The following UPP2 variants were observed in gnomAD, a reference collection of about 807,000 sequenced individuals.
The protein encoded by UPP2 is UPase 2.
UPP2 carries 23 observed loss-of-function variants against 26.7 expected under a neutral mutation model. The ratio of observed to expected loss-of-function variants is 0.86; its 90% CI spans 0.62 to 1.22. UPP2 has a LOEUF of 1.22. Among genes scored for constraint, UPP2 ranks in the 50% most tolerant of loss-of-function variants. UPP2 has a pLI of 0.00. For synonymous variants in UPP2, 127 were observed against 141.3 expected (o/e 0.90, Z 0.72); for missense variants, 387 against 396.7 (o/e 0.98, Z 0.21).
intron 6 of UPP2, among the ~76,000 whole-genome samples, chr2:158,129,022 C>T (rs1423059595): frequency 1.3e-5 from 2 of 151,928 alleles, no homozygotes; most frequent in Non-Finnish European, 2.9e-5. Flanking sequence ...TGTCTTTTTG[C>T]TTTTTCACAT....
chr2:158,130,450 C>CGA (rs1683793384), intron 6 of UPP2, among the ~76,000 whole-genome samples: 1 of 131,836 alleles, frequency 7.6e-6, no homozygotes, highest in Non-Finnish European at 1.6e-5. Flanking sequence ...GAATCCGTCT[C>CGA]AAAAAAAAAA....
chr2:158,038,339 G>A (rs1383627392), intron 3 of UPP2, among the ~76,000 whole-genome samples: 2 of 152,192 alleles, frequency 1.3e-5, no homozygotes, highest in Non-Finnish European at 2.9e-5. Context: ...AAAGTGTTGT[G>A]TCTTTAGAAT....
At chr2:158,086,813 T>C (rs1276698598) in intron 3 of UPP2, among the ~76,000 whole-genome samples, 2 of 152,164 alleles carry the variant, frequency 1.3e-5, no homozygotes, top group African/African-American at 4.8e-5. Context: ...AGGTTCCTTT[T>C]TGAGTTGATA....
At chr2:158,057,966 C>T (rs1682274706) in intron 3 of UPP2, among the ~76,000 whole-genome samples, 1 of 151,988 alleles carries the variant, frequency 6.6e-6, no homozygotes, top group African/African-American at 2.4e-5. Flanking sequence ...TAAGGGTAGG[C>T]TTTAATCCAA....
intron 2 of UPP2, among the ~76,000 whole-genome samples, chr2:157,999,588 G>C (rs7608061): frequency 0.22 from 33,448 of 152,072 alleles, 5,040 homozygotes; most frequent in African/African-American, 0.42. Flanking sequence ...TAATAACCAT[G>C]ACTGCTATAG....
chr2:158,095,657 G>A (rs13413349), intron 3 of UPP2, among the ~76,000 whole-genome samples: 4,071 of 152,180 alleles, frequency 0.027, 179 homozygotes, highest in African/African-American at 0.09. Context: ...CTGAAAATTG[G>A]GGAAATAATA....
At chr2:158,002,063 C>G (rs557559675) in intron 2 of UPP2, among the ~76,000 whole-genome samples, 1 of 150,744 alleles carries the variant, frequency 6.6e-6, no homozygotes, top group East Asian at 2.0e-4. Context: ...TTCACAGATT[C>G]ACCTTTCAGC....
intron 2 of UPP2, among the ~76,000 whole-genome samples, chr2:157,998,139 C>T (rs1683350713): frequency 6.6e-6 from 1 of 152,178 alleles, no homozygotes; most frequent in Admixed American, 6.5e-5. Flanking sequence ...TAACATCTTT[C>T]TTGGTGGATT....
intron 6 of UPP2, among the ~76,000 whole-genome samples, chr2:158,127,401 C>T (rs1265393336): frequency 6.6e-6 from 1 of 151,966 alleles, no homozygotes; most frequent in Admixed American, 6.6e-5. Flanking sequence ...GCTGTATCCC[C>T]AGTACTTAGA....
intron 3 of UPP2, among the ~76,000 whole-genome samples, chr2:158,021,450 T>C (rs552914427): frequency 6.6e-6 from 1 of 152,208 alleles, no homozygotes; most frequent in East Asian, 1.9e-4. Context: ...GGGACAGTGT[T>C]ATGGCCAAAC....
In UPP2 at chr2:158,067,547, G is replaced by C. The variant is rs552906930; in HGVS notation, c.148-34493G>C. On this transcript the variant is annotated intron_variant, in intron 3 of 9. Coordinates refer to the UPP2 transcript ENST00000605860. ...GGAATATGGAATCCTACGTGCATCA[G>C]GGATTGGAAAACCAAAACTTTCAGA... Among the ~76,000 whole-genome samples, 155 of 152,236 alleles carry C rather than the reference G, an allele frequency of 1.0e-3. 1 individual carries two copies. The highest frequency in any genetic ancestry group is 4.6e-3 in the South Asian group (22 of 4,822).
At chr2:158,050,820 C>A (rs1682143198) in intron 3 of UPP2, among the ~76,000 whole-genome samples, 1 of 152,104 alleles carries the variant, frequency 6.6e-6, no homozygotes, top group Non-Finnish European at 1.5e-5. Flanking sequence ...TTGAAATGCA[C>A]TGAGGTAGTT....
intron 3 of UPP2, among the ~76,000 whole-genome samples, chr2:158,025,464 C>T (rs1683819771): frequency 6.6e-6 from 1 of 152,140 alleles, no homozygotes; most frequent in South Asian, 2.1e-4. Flanking sequence ...GGAAGCCAAA[C>T]AGGCTAAGAG....
At chr2:158,065,697 G>A in intron 3 of UPP2, 3 of 636,144 alleles carry the variant, frequency 4.7e-6, no homozygotes. Flanking sequence ...AGTATGTAAA[G>A]CAACTTATGA....
intron 3 of UPP2, among the ~76,000 whole-genome samples, chr2:158,016,529 C>T (rs143271984): frequency 0.03 from 4,549 of 151,972 alleles, 223 homozygotes; most frequent in African/African-American, 0.1. Context: ...TTAGTAGAGA[C>T]AGGGCTTCAC....
chr2:158,084,277 T>C (rs1682778640), intron 3 of UPP2, among the ~76,000 whole-genome samples: 1 of 152,210 alleles, frequency 6.6e-6, no homozygotes, highest in Non-Finnish European at 1.5e-5. Flanking sequence ...TGAACATTTT[T>C]TCATATGTTT....
intron 3 of UPP2, among the ~76,000 whole-genome samples, chr2:158,044,562 A>C (rs181709697): frequency 4.6e-5 from 7 of 152,280 alleles, no homozygotes; most frequent in Non-Finnish European, 1.5e-5. Context: ...CGACATTTAC[A>C]GGGAACAGGA....
intron 2 of UPP2, among the ~76,000 whole-genome samples, chr2:158,010,725 G>A (rs1325668580): frequency 2.6e-5 from 4 of 151,136 alleles, no homozygotes; most frequent in Admixed American, 6.6e-5. Context: ...AATACAATGA[G>A]TTCCCTCCAA....
intron 3 of UPP2, among the ~76,000 whole-genome samples, chr2:158,022,655 C>G (rs142020354): frequency 6.6e-6 from 1 of 152,240 alleles, no homozygotes; most frequent in Non-Finnish European, 1.5e-5. Context: ...GCACAGCCCT[C>G]CATTCCCATC....
Sources: gnomAD v4.1 joint callset for allele counts (sites outside exome capture counted in the v4.1 genomes callset) on GRCh38, gnomAD v4.1.1 for gene constraint, MANE v1.5 for transcripts, NCBI Gene and HGNC (gene_info 2026-07-23, HGNC 2026-07-21) for gene names.